SVIL: variants seen among roughly 807,000 people sequenced by gnomAD.
The protein encoded by SVIL is supervillin.
Under a neutral mutation model 240.4 loss-of-function variants are expected in SVIL, and 101 were observed. The observed-to-expected ratio is 0.42, with a 90% confidence interval of 0.36 to 0.50. The LOEUF (loss-of-function observed/expected upper bound fraction) is 0.50. Ranked by LOEUF, SVIL falls within the 20% of genes least tolerant of loss-of-function variation. The pLI is 0.01. For synonymous variants in SVIL, 999 were observed against 1,100.0 expected (o/e 0.91, Z 1.82); for missense variants, 2,512 against 2,818.7 (o/e 0.89, Z 2.46).
chr10:29,538,405 C>T (rs1336551650), intron 6 of SVIL, among the ~76,000 whole-genome samples: 3 of 152,206 alleles, frequency 2.0e-5, no homozygotes, highest in Admixed American at 6.5e-5. Flanking sequence ...GTGGTGAATA[C>T]TCAAAGTCTG....
intron 1 of SVIL, among the ~76,000 whole-genome samples, chr10:29,618,278 T>C (rs1051906051): frequency 2.0e-5 from 3 of 152,224 alleles, no homozygotes; most frequent in African/African-American, 7.2e-5. Flanking sequence ...GAAAGGAGGA[T>C]TTATTGTATT....
At position 29,473,980 on chromosome 10, in the gene SVIL, C is replaced by T. The variant is rs1305300521; in HGVS notation, c.5387G>A (p.Arg1796His). The T allele has an allele frequency of 1.8e-5, 29 of 1,613,204 alleles. No homozygotes were observed. Among genetic ancestry groups the T allele is most frequent in the Non-Finnish European group, 2.3e-5 (27 of 1,179,894 alleles). ...KFMVSTAVGSRQKGEHSVRAA... is the reference protein window; with the variant it reads ...KFMVSTAVGSHQKGEHSVRAA... The stretch of plus-strand genomic sequence containing the variant: ...CCTCACCGAGTGCTCTCCCTTCTGG[C>T]GACTTCCCACTGCAAACACAGAATG... Residue 1796 changes from arginine (R) to histidine (H), a missense_variant, in exon 30 of 38, where the codon CGC (arginine) becomes CAC (histidine). By Grantham distance (29) the Arg-to-His change is conservative. Transcript: ENST00000355867.
intron 1 of SVIL, among the ~76,000 whole-genome samples, chr10:29,717,284 T>G (rs910914636): frequency 1.3e-4 from 19 of 142,414 alleles, no homozygotes; most frequent in African/African-American, 5.3e-4. Flanking sequence ...GTGATTTATG[T>G]TTTTTTTCAC....
intron 3 of SVIL, among the ~76,000 whole-genome samples, chr10:29,650,061 G>C (rs1958789424): frequency 6.6e-6 from 1 of 152,200 alleles, no homozygotes; most frequent in African/African-American, 2.4e-5. Flanking sequence ...TCAGCCATCA[G>C]AACCATGAGC....
intron 1 of SVIL, among the ~76,000 whole-genome samples, chr10:29,620,041 T>C (rs1219817685): frequency 6.6e-6 from 1 of 152,142 alleles, no homozygotes. Flanking sequence ...AGAATTCATG[T>C]TTCAAATTAT....
At chr10:29,470,236 C>G (rs766885795) in intron 32 of SVIL, 40 bp downstream of exon 32, 3 of 1,588,654 alleles carry the variant, frequency 1.9e-6, no homozygotes, top group Admixed American at 1.8e-5. Flanking sequence ...CTCTGGGAAG[C>G]CCGGTGTGTG....
chr10:29,715,250 T>A (rs2132678142), intron 1 of SVIL, among the ~76,000 whole-genome samples: 1 of 152,376 alleles, frequency 6.6e-6, no homozygotes, highest in Admixed American at 6.5e-5. Flanking sequence ...TATATCATTA[T>A]TTTGTATTCA....
intron 16 of SVIL, among the ~76,000 whole-genome samples, chr10:29,518,463 A>T (rs1367966218): frequency 1.3e-5 from 2 of 152,246 alleles, no homozygotes; most frequent in African/African-American, 2.4e-5. Flanking sequence ...AACATATTCT[A>T]AAAAAGGAGT....
intron 1 of SVIL, among the ~76,000 whole-genome samples, chr10:29,602,749 G>A (rs1956864693): frequency 6.6e-6 from 1 of 152,104 alleles, no homozygotes; most frequent in South Asian, 2.1e-4. Context: ...ACTTCGGGGG[G>A]CCGAGGCAGT....
intron 1 of SVIL, among the ~76,000 whole-genome samples, chr10:29,605,557 A>G (rs1220172602): frequency 1.3e-5 from 2 of 150,688 alleles, no homozygotes; most frequent in African/African-American, 4.9e-5. Context: ...GTCTATTTTG[A>G]TAGTTTTAAC....
At chr10:29,681,145 T>C (rs558588547) in intron 2 of SVIL, among the ~76,000 whole-genome samples, 3 of 151,910 alleles carry the variant, frequency 2.0e-5, no homozygotes, top group African/African-American at 4.8e-5. Flanking sequence ...TGGTAGGGAA[T>C]GGGGCTGTGA....
intron 16 of SVIL, among the ~76,000 whole-genome samples, chr10:29,520,859 T>G: frequency 6.9e-6 from 1 of 145,556 alleles, no homozygotes; most frequent in African/African-American, 2.6e-5. Flanking sequence ...GAGGCTGCAG[T>G]GAAGCTGTGA....
At chr10:29,586,729 T>C (rs1232193262) in intron 1 of SVIL, among the ~76,000 whole-genome samples, 2 of 152,178 alleles carry the variant, frequency 1.3e-5, no homozygotes, top group Non-Finnish European at 2.9e-5. Context: ...AACGAAACTA[T>C]GTCCTCTGCA....
chr10:29,477,799 T>C (rs1946366697), intron 29 of SVIL, among the ~76,000 whole-genome samples: 1 of 152,212 alleles, frequency 6.6e-6, no homozygotes, highest in African/African-American at 2.4e-5. Context: ...TTGTTGGAGC[T>C]GGCTGTGAGA....
At chr10:29,508,580 G>C (rs1389170057) in intron 17 of SVIL, 5 of 371,600 alleles carry the variant, frequency 1.3e-5, no homozygotes, top group South Asian at 1.0e-4. Flanking sequence ...GGAGTTTAGA[G>C]AGCATTCCCT....
chr10:29,512,080 A>G (rs1564546235), intron 17 of SVIL, among the ~76,000 whole-genome samples: 1 of 152,244 alleles, frequency 6.6e-6, no homozygotes, highest in South Asian at 2.1e-4. Context: ...CAAGTAAGTC[A>G]CCATCAGTTT....
At chr10:29,601,591 G>C (rs1415745344) in intron 1 of SVIL, among the ~76,000 whole-genome samples, 3 of 152,210 alleles carry the variant, frequency 2.0e-5, no homozygotes, top group Non-Finnish European at 4.4e-5. Flanking sequence ...CTCTGATGCA[G>C]AGAGAAACAG....
At chr10:29,503,206 T>C (rs1949032353) in intron 17 of SVIL, among the ~76,000 whole-genome samples, 1 of 152,212 alleles carries the variant, frequency 6.6e-6, no homozygotes, top group Non-Finnish European at 1.5e-5. Flanking sequence ...TGCCCCTTCC[T>C]TAAGAGAAAT....
intron 17 of SVIL, among the ~76,000 whole-genome samples, chr10:29,509,850 C>CA (rs1030318992): frequency 2.1e-4 from 31 of 148,678 alleles, no homozygotes; most frequent in East Asian, 1.6e-3. Context: ...AACTTTGTCT[C>CA]AAAAAAAAAA....
Sources: allele counts gnomAD v4.1 joint callset (sites outside exome capture counted in the v4.1 genomes callset), GRCh38; gene constraint gnomAD v4.1.1; transcripts MANE v1.5; gene names NCBI Gene and HGNC (gene_info 2026-07-23, HGNC 2026-07-21).